The following VPS13D variants were observed in gnomAD, a reference collection of about 807,000 sequenced individuals.
The protein encoded by VPS13D is vacuolar protein sorting 13 homolog D.
A neutral mutation model predicts 461.9 loss-of-function variants in VPS13D; 187 were observed. The ratio of observed to expected loss-of-function variants is 0.40; its 90% confidence interval spans 0.36 to 0.46. The LOEUF (loss-of-function observed/expected upper bound fraction) is 0.46, where lower values mean the gene tolerates loss of function less well. Ranked by LOEUF, VPS13D falls within the 20% of genes least tolerant of loss-of-function variation. The pLI is 0.60. For missense variants in VPS13D, 4,711 were observed against 5,364.9 expected, an observed-to-expected ratio of 0.88 and a Z score of 3.81; for synonymous variants, 1,951 against 1,986.3, an observed-to-expected ratio of 0.98 and a Z score of 0.47.
intron 40 of VPS13D, 70 bp from the exon 41 acceptor site, chr1:12,341,710 C>T: frequency 1.4e-6 from 2 of 1,443,948 alleles, no homozygotes; most frequent in Non-Finnish European, 1.9e-6. Flanking sequence ...GGCACTGTCT[C>T]CAGGTTGGGG....
intron 63 of VPS13D, among the ~76,000 whole-genome samples, chr1:12,414,568 C>G (rs1199386979): frequency 6.6e-6 from 1 of 152,086 alleles, no homozygotes; most frequent in Non-Finnish European, 1.5e-5. Context: ...AAGAACTTAC[C>G]TGTAGTGATA....
intron 65 of VPS13D, among the ~76,000 whole-genome samples, chr1:12,425,602 C>T (rs1390535342): frequency 6.6e-6 from 1 of 151,142 alleles, no homozygotes; most frequent in Non-Finnish European, 1.5e-5. Flanking sequence ...AGAGTGTAGC[C>T]ATCATTTATT....
rs750647587 is a variant in VPS13D at position 12,266,916 on chromosome 1, A to T, written c.1630A>T (p.Asn544Tyr). 24 of 1,604,636 alleles carry T rather than the reference A, an allele frequency of 1.5e-5. No homozygotes were observed. The highest frequency in any genetic ancestry group is 2.0e-5 in the Non-Finnish European group (24 of 1,177,136). ...KLLAESLPRR[N>Y]SSLLSVRLGG... ...TCTAGCAGAGTCTCTTCCTCGAAGAAATTCCTCGTTGCTTTCAGTCCGGTT... is the reference window on the plus strand; with the variant it reads ...TCTAGCAGAGTCTCTTCCTCGAAGATATTCCTCGTTGCTTTCAGTCCGGTT... Residue 544 changes from asparagine (N) to tyrosine (Y), a missense_variant, in exon 14 of 70, where the codon AAT (asparagine) becomes TAT (tyrosine). Around this residue, in one of 3 missense-constraint regions of VPS13D, gnomAD observed 4,411 missense variants for 4,937.8 expected, o/e 0.89. Transcript: ENST00000620676.
rs1480554056 is a variant in VPS13D at position 12,508,988 on chromosome 1, C to T, written c.13131C>T (p.Leu4377=). The stretch of plus-strand genomic sequence containing the variant: ...ATGAACAGCAGCTTATGTTAAGACT[C>T]AGCGAAAACCGAGAGCAGCTGGAGC... ...LYYEQQLMLR[L]SENREQLELD... The change falls in exon 70 of 70, where the codon CTC becomes CTT. Residue 4377 remains leucine, a synonymous_variant. Coordinates refer to ENST00000620676, the MANE Select transcript of VPS13D (RefSeq NM_015378.4). 1.2e-6 allele frequency: 2 copies of T among 1,614,160 alleles called. No homozygotes were observed. Among genetic ancestry groups the T allele is most frequent in the Admixed American group, 1.7e-5 (1 of 60,026 alleles).
chr1:12,349,826 T>G (rs1159792006), intron 46 of VPS13D, among the ~76,000 whole-genome samples: 2 of 152,214 alleles, frequency 1.3e-5, no homozygotes, highest in African/African-American at 4.8e-5. Flanking sequence ...TGCCTAACCA[T>G]TTAAACTCCT....
At chr1:12,278,831 C>G (rs1355060025) in intron 19 of VPS13D, among the ~76,000 whole-genome samples, 1 of 152,180 alleles carries the variant, frequency 6.6e-6, no homozygotes, top group African/African-American at 2.4e-5. Flanking sequence ...GTCCAAGGTT[C>G]TAAGAATAAA....
rs955544806 is a variant in VPS13D, at chr1:12,505,538, C to T, written c.12795-1315C>T. On this transcript the variant is annotated intron_variant, in intron 68 of 69. Transcript: ENST00000620676. This position sits in a 1 kb window ranked among gnomAD's most constrained non-coding sequence, Gnocchi z 4.2. Reference sequence around the variant, plus strand: ...TGGAACAAGGCAGTCACTTACTGAGCGCTGATGGGGTGGCCAACTCTGTGG... The same window carrying T: ...TGGAACAAGGCAGTCACTTACTGAGTGCTGATGGGGTGGCCAACTCTGTGG... 1.3e-5 allele frequency among the ~76,000 whole-genome samples: 2 copies of T among 152,174 alleles called. No individual in the cohort carries two copies. Among genetic ancestry groups the T allele is most frequent in the South Asian group, 2.1e-4 (1 of 4,826 alleles).
intron 57 of VPS13D, among the ~76,000 whole-genome samples, chr1:12,382,043 C>G (rs1374000724): frequency 2.0e-5 from 3 of 146,656 alleles, no homozygotes; most frequent in Admixed American, 7.0e-5. Flanking sequence ...CTCTTTCTTT[C>G]TTTCTTTCTT....
chr1:12,510,366 C>A lies in VPS13D; in HGVS notation c.*1342C>A, dbSNP rs1002115758. 12 of 152,200 alleles carry A rather than the reference C, an allele frequency of 7.9e-5. No individual in the cohort carries two copies. The highest frequency in any genetic ancestry group is 2.9e-4 in the African/African-American group (12 of 41,450). The allele number at this position is 152,200 out of a possible 1,614,324, so 9.4% of individuals were successfully genotyped here. ...TAATAAAGCTAATCAATTTCTACAA[C>A]CTTGTCACATGTAGCTGAGTCTGGG... On this transcript the variant is annotated 3_prime_UTR_variant, in exon 70 of 70. Coordinates refer to ENST00000620676, the MANE Select transcript of VPS13D (RefSeq NM_015378.4).
chr1:12,400,365 A>T (rs748403586), intron 61 of VPS13D, 35 bp downstream of exon 61: 22 of 1,609,156 alleles, frequency 1.4e-5, no homozygotes, highest in Non-Finnish European at 1.8e-5. Context: ...GGTTGATGCC[A>T]TGCTGGAACG....
chr1:12,500,312 C>A, intron 68 of VPS13D: 1 of 860,504 alleles, frequency 1.2e-6, no homozygotes, highest in Non-Finnish European at 1.4e-6. Flanking sequence ...TGCTTCCCAT[C>A]TTTCTCAGTT....
intron 65 of VPS13D, among the ~76,000 whole-genome samples, chr1:12,440,861 G>GC (rs1467627821): frequency 1.3e-5 from 2 of 150,428 alleles, no homozygotes; most frequent in Non-Finnish European, 2.9e-5. Flanking sequence ...GGGCAACAGA[G>GC]CGAGACTCTG....
chr1:12,469,557 G>A (rs1645536626), intron 67 of VPS13D, among the ~76,000 whole-genome samples: 1 of 152,230 alleles, frequency 6.6e-6, no homozygotes, highest in South Asian at 2.1e-4. Context: ...TGAAAATACA[G>A]TGATTGATAA....
chr1:12,483,966 C>T (rs1008648850), intron 67 of VPS13D, among the ~76,000 whole-genome samples: 4 of 150,988 alleles, frequency 2.6e-5, no homozygotes, highest in Admixed American at 6.6e-5. Flanking sequence ...CCACTGCACT[C>T]CAGCTGGGCA....
chr1:12,375,582 C>G (rs1221272035), intron 55 of VPS13D, among the ~76,000 whole-genome samples: 1 of 152,164 alleles, frequency 6.6e-6, no homozygotes, highest in African/African-American at 2.4e-5. Flanking sequence ...GTAACTCATC[C>G]TCCGTCACCA....
intron 13 of VPS13D, among the ~76,000 whole-genome samples, chr1:12,265,259 G>C (rs1211459659): frequency 6.6e-6 from 1 of 152,118 alleles, no homozygotes; most frequent in Non-Finnish European, 1.5e-5. Context: ...GCAGCCCATG[G>C]ATCCAGGAGT....
At chr1:12,334,462 A>G (rs896371471) in intron 38 of VPS13D, among the ~76,000 whole-genome samples, 1 of 152,252 alleles carries the variant, frequency 6.6e-6, no homozygotes, top group Non-Finnish European at 1.5e-5. Flanking sequence ...AGTACAGTAT[A>G]TGTCTCTTTA....
intron 37 of VPS13D, among the ~76,000 whole-genome samples, chr1:12,330,868 A>C (rs1488666871): frequency 1.3e-5 from 2 of 152,128 alleles, no homozygotes; most frequent in Non-Finnish European, 2.9e-5. Flanking sequence ...GCGCCCAGCC[A>C]AGCATTTTAA....
intron 68 of VPS13D, among the ~76,000 whole-genome samples, chr1:12,498,127 G>A (rs1274113268): frequency 2.0e-5 from 3 of 152,148 alleles, no homozygotes; most frequent in Admixed American, 2.0e-4. Context: ...TCTTCAGTTA[G>A]TGATATTATT....
Sources: allele counts gnomAD v4.1 joint callset (sites outside exome capture counted in the v4.1 genomes callset), GRCh38; gene constraint gnomAD v4.1.1; regional missense constraint gnomAD v4.1.1; non-coding constraint Gnocchi (gnomAD v3.1); transcripts MANE v1.5; gene names NCBI Gene and HGNC (gene_info 2026-07-23, HGNC 2026-07-21).